Variants in RAB30 observed in about 807,000 individuals in gnomAD.
The protein encoded by RAB30 is RAB30, member RAS oncogene family, also known as ras-related protein Rab-30.
A neutral mutation model predicts 25.1 loss-of-function variants in RAB30; 9 were observed. That is an observed-to-expected ratio of 0.36 (90% CI 0.22 to 0.63). The LOEUF is 0.63. Ranked by LOEUF, RAB30 falls within the 20% of genes least tolerant of loss-of-function variation. The pLI is 0.69. For synonymous variants in RAB30, 77 were observed against 86.4 expected, an observed-to-expected ratio of 0.89 and a Z score of 0.60; for missense variants, 140 against 243.5, an observed-to-expected ratio of 0.58 and a Z score of 2.83.
chr11:83,040,126 C>A (rs965428827), intron 1 of RAB30, among the ~76,000 whole-genome samples: 1 of 152,164 alleles, frequency 6.6e-6, no homozygotes, highest in Non-Finnish European at 1.5e-5. Context: ...GACTCCAGCA[C>A]GTCAAGAGGG....
Position 82,978,506 on chromosome 11 carries a change from A to G in RAB30, c.*3659T>C, listed in dbSNP as rs1856584351. ...GTTTGATATGCAAAAAAAAAAAAAA[A>G]GATTTTTTTCTGATTGTGCTATTTC... On this transcript the variant is annotated 3_prime_UTR_variant, in exon 5 of 5. Transcript: ENST00000527633. The G allele has an allele frequency of 8.1e-6, 1 of 123,866 alleles. No homozygotes were observed. Among genetic ancestry groups the G allele is most frequent in the South Asian group, 2.5e-4 (1 of 4,018 alleles). The allele number at this position is 123,866 out of a possible 1,614,324, so 7.7% of individuals were successfully genotyped here.
At chr11:83,014,674 G>GAA (rs1202952069) in intron 1 of RAB30, among the ~76,000 whole-genome samples, 17 of 144,954 alleles carry the variant, frequency 1.2e-4, no homozygotes, top group East Asian at 4.0e-4. Flanking sequence ...AAGAAAGAAA[G>GAA]AAAGAAAGAA....
rs532871041 is a variant in RAB30 at position 83,051,971 on chromosome 11, A to G, written c.-9+19720T>C. 2.6e-5 allele frequency among the ~76,000 whole-genome samples: 4 copies of G among 152,340 alleles called. No individual in the cohort carries two copies. The East Asian group carries it at 7.7e-4, about 29-fold the overall frequency. On this transcript the variant is annotated intron_variant, in intron 1 of 4. Transcript: ENST00000527633. ...CTAGAGTTTTCAAAGATAAATATTC[A>G]ACAATCACCAAAGCTTCTGGTAGCA...
At position 83,014,272 on chromosome 11, in the gene RAB30, G is replaced by C. The variant is rs1391346772; in HGVS notation, c.-8-16948C>G. ...ATTGAATAAGAAAGAGCCAGACCAG[G>C]CTTGGTGGTTCACACCTGTAATCCC... is the stretch of plus-strand genomic sequence containing the variant. On this transcript the variant is annotated intron_variant, in intron 1 of 4. Coordinates refer to ENST00000527633, the MANE Select transcript of RAB30 (RefSeq NM_001286060.2). Among the ~76,000 whole-genome samples, 4 of 152,174 alleles carry C rather than the reference G, an allele frequency of 2.6e-5. 1 individual carries two copies. The highest frequency in any genetic ancestry group is 4.1e-4 in the South Asian group (2 of 4,832).
At chr11:83,048,799 G>A (rs985009815) in intron 1 of RAB30, among the ~76,000 whole-genome samples, 12 of 152,184 alleles carry the variant, frequency 7.9e-5, no homozygotes, top group Admixed American at 5.2e-4. Context: ...TCCTGTCGTG[G>A]CTGCTCGCTG....
chr11:83,022,393 A>C (rs1403487122), intron 1 of RAB30, among the ~76,000 whole-genome samples: 1 of 152,114 alleles, frequency 6.6e-6, no homozygotes, highest in African/African-American at 2.4e-5. Flanking sequence ...TCCTGGCCTC[A>C]AGTGATCCTC....
At chr11:83,019,489 T>G (rs1392815530) in intron 1 of RAB30, among the ~76,000 whole-genome samples, 1 of 152,198 alleles carries the variant, frequency 6.6e-6, no homozygotes, top group Non-Finnish European at 1.5e-5. Context: ...ATGCCTACCC[T>G]GTTTTACCAT....
chr11:83,023,738 C>T (rs1322729087), intron 1 of RAB30, among the ~76,000 whole-genome samples: 4 of 152,214 alleles, frequency 2.6e-5, no homozygotes, highest in Non-Finnish European at 5.9e-5. Flanking sequence ...ATAATATCCT[C>T]TCAATTTTGC....
chr11:83,048,805 C>G (rs970747256), intron 1 of RAB30, among the ~76,000 whole-genome samples: 3 of 152,176 alleles, frequency 2.0e-5, no homozygotes, highest in Admixed American at 6.5e-5. Flanking sequence ...CGTGGCTGCT[C>G]GCTGATGCCA....
intron 1 of RAB30, among the ~76,000 whole-genome samples, chr11:83,067,727 C>G (rs924388652): frequency 1.3e-5 from 2 of 152,188 alleles, no homozygotes; most frequent in African/African-American, 4.8e-5. Context: ...CATGGTGGCT[C>G]ATGCTTGTAA....
At chr11:83,048,137 A>G (rs1858273329) in intron 1 of RAB30, among the ~76,000 whole-genome samples, 1 of 152,098 alleles carries the variant, frequency 6.6e-6, no homozygotes. Flanking sequence ...CAGTAATGAC[A>G]TGGAGTCACA....
chr11:83,033,618 A>AT lies in RAB30; in HGVS notation c.-8-36295dup, dbSNP rs973155742. Reference sequence around the variant, plus strand: ...TTGCCCAAGGTCATAAGGCAAGTTAATAACAGAGTTATGATTTGAACCTAG... The same window carrying AT: ...TTGCCCAAGGTCATAAGGCAAGTTAATTAACAGAGTTATGATTTGAACCTAG... On this transcript the variant is annotated intron_variant, in intron 1 of 4. Transcript: ENST00000527633. 2.6e-5 allele frequency among the ~76,000 whole-genome samples: 4 copies of AT among 152,334 alleles called. No homozygotes were observed. The South Asian group carries it at 6.2e-4, about 24-fold the overall frequency.
chr11:83,030,516 G>T (rs1448247420), intron 1 of RAB30, among the ~76,000 whole-genome samples: 1 of 151,568 alleles, frequency 6.6e-6, no homozygotes, highest in Non-Finnish European at 1.5e-5. Flanking sequence ...GTCTTTTTTT[G>T]GCTGCGTGTG....
At chr11:83,038,995 C>A (rs1565286037) in intron 1 of RAB30, 1 of 151,974 alleles carries the variant, frequency 6.6e-6, no homozygotes, top group South Asian at 2.1e-4. Flanking sequence ...AAATTGATTT[C>A]TAAAGGTAAA....
At chr11:83,067,551 A>G (rs1858730177) in intron 1 of RAB30, among the ~76,000 whole-genome samples, 1 of 152,154 alleles carries the variant, frequency 6.6e-6, no homozygotes, top group African/African-American at 2.4e-5. Flanking sequence ...TCGGAAAACA[A>G]AAAGACCTGG....
chr11:83,007,158 C>T (rs553331362), intron 1 of RAB30, among the ~76,000 whole-genome samples: 5 of 152,316 alleles, frequency 3.3e-5, no homozygotes, highest in African/African-American at 1.2e-4. Context: ...AGAGCAAACA[C>T]AGGTCCCCTG....
At chr11:83,051,709 TC>T (rs1019018016) in intron 1 of RAB30, among the ~76,000 whole-genome samples, 2 of 151,872 alleles carry the variant, frequency 1.3e-5, no homozygotes, top group African/African-American at 4.8e-5. Context: ...AAAACCCTCT[TC>T]CCCACCCTCA....
At chr11:82,995,978 C>T (rs1195278314) in intron 2 of RAB30, among the ~76,000 whole-genome samples, 8 of 152,220 alleles carry the variant, frequency 5.3e-5, no homozygotes, top group Non-Finnish European at 7.3e-5. Context: ...TACATCTCTG[C>T]AGTCTTATCC....
chr11:82,975,797 A>G lies in RAB30; in HGVS notation c.*6368T>C, dbSNP rs192615596. 8.1e-4 allele frequency: 124 copies of G among 152,302 alleles called. 1 individual carries two copies. The highest frequency in any genetic ancestry group is 2.8e-3 in the African/African-American group (118 of 41,574). 9.4% of individuals were successfully genotyped at this position (152,302 alleles called of 1,614,324 possible). A position where few individuals can be genotyped will look rare whatever the true frequency, so the allele number is the denominator to read the frequency against. ...GTAATAAATACCTATCCTGACATTC[A>G]CTAAGTAAATAATGACTATCATTTT... is the stretch of plus-strand genomic sequence containing the variant. On this transcript the variant is annotated 3_prime_UTR_variant, in exon 5 of 5. Coordinates refer to ENST00000527633, the MANE Select transcript of RAB30 (RefSeq NM_001286060.2).
Sources: gnomAD v4.1 joint callset for allele counts (sites outside exome capture counted in the v4.1 genomes callset) on GRCh38, gnomAD v4.1.1 for gene constraint, MANE v1.5 for transcripts, NCBI Gene and HGNC (gene_info 2026-07-23, HGNC 2026-07-21) for gene names.